The following ORC5 variants were observed in gnomAD, a reference collection of about 807,000 sequenced individuals.
ORC5 encodes origin recognition complex subunit 5, also known as protein phosphatase 1, regulatory subunit 117.
ORC5 carries 39 observed loss-of-function variants against 58.8 expected under a neutral mutation model. The ratio of observed to expected loss-of-function variants is 0.66; its 90% CI spans 0.51 to 0.87. The LOEUF (loss-of-function observed/expected upper bound fraction) is 0.87. ORC5 is among the 40% of genes least tolerant of loss of function. The pLI, the probability that ORC5 is intolerant of heterozygous loss-of-function variation, is 0.00. For synonymous variants in ORC5, 218 were observed against 177.6 expected (o/e 1.23, Z -1.81); for missense variants, 493 against 506.3 (o/e 0.97, Z 0.25).
chr7:104,180,175 C>A (rs1163924646), intron 8 of ORC5, among the ~76,000 whole-genome samples: 5 of 152,196 alleles, frequency 3.3e-5, no homozygotes, highest in Non-Finnish European at 7.3e-5. Context: ...ACCACACATT[C>A]TTCCTGTGTC....
At chr7:104,175,535 G>C (rs1278929822) in intron 8 of ORC5, among the ~76,000 whole-genome samples, 3 of 152,176 alleles carry the variant, frequency 2.0e-5, no homozygotes, top group Non-Finnish European at 4.4e-5. Context: ...ATTTAGGTTT[G>C]CCTTACTAAC....
At chr7:104,137,777 G>A (rs1013975278) in intron 12 of ORC5, among the ~76,000 whole-genome samples, 2 of 152,054 alleles carry the variant, frequency 1.3e-5, no homozygotes, top group African/African-American at 4.8e-5. Flanking sequence ...ATCCTCCTTC[G>A]GGCTCCCCAA....
rs138413601 is a variant in ORC5, at chr7:104,165,245, T to A, written c.1028A>T (p.Lys343Ile). Residue 343 changes from lysine (K) to isoleucine (I), a missense_variant, in exon 11 of 14, where the codon AAA becomes ATA. By Grantham distance (102) the Lys-to-Ile change is moderately radical. This residue lies in a region of ORC5 where 412 missense variants were observed against 403.7 expected (regional missense o/e 1.02). Transcript: ENST00000297431. ...TTAAAATGTAAATACCTTTTCGTGT[T>A]TTTTTAGAAAGTTGGTTTTCTTGAT... ...GKIKKTNFLK[K>I]HEKTSNHLLG... 2.2e-4 allele frequency: 337 copies of A among 1,511,304 alleles called. No homozygotes were observed. The highest frequency in any genetic ancestry group is 8.2e-4 in the African/African-American group (59 of 72,278). 93.6% of individuals were successfully genotyped at this position (1,511,304 alleles called of 1,614,324 possible).
intron 5 of ORC5, among the ~76,000 whole-genome samples, chr7:104,191,475 T>C (rs1799675149): frequency 6.6e-6 from 1 of 152,110 alleles, no homozygotes; most frequent in South Asian, 2.1e-4. Context: ...TGAGTACCCC[T>C]TGAACATCTC....
intron 11 of ORC5, among the ~76,000 whole-genome samples, chr7:104,164,296 T>A (rs1175819872): frequency 6.6e-6 from 1 of 152,108 alleles, no homozygotes; most frequent in African/African-American, 2.4e-5. Context: ...CAGTGGCGTG[T>A]GCCTGTAGTC....
chr7:104,145,511 C>A (rs1562806122), intron 12 of ORC5, among the ~76,000 whole-genome samples: 1 of 151,988 alleles, frequency 6.6e-6, no homozygotes, highest in Non-Finnish European at 1.5e-5. Context: ...GCTTCTCATT[C>A]AATTGAGCTT....
At chr7:104,134,468 C>G (rs1017261805) in intron 13 of ORC5, among the ~76,000 whole-genome samples, 2 of 147,106 alleles carry the variant, frequency 1.4e-5, no homozygotes, top group Admixed American at 1.4e-4. Flanking sequence ...AGTCTGGATA[C>G]CAGGTGCCCT....
chr7:104,159,518 GC>G (rs199839882), intron 12 of ORC5, among the ~76,000 whole-genome samples: 4,133 of 138,666 alleles, frequency 0.03, 169 homozygotes, highest in African/African-American at 0.1. Context: ...TGTAGAGAAA[GC>G]CAAAAAAAAA....
chr7:104,188,157 A>T, intron 6 of ORC5, 94 bp downstream of exon 6: 1 of 1,017,442 alleles, frequency 9.8e-7, no homozygotes, highest in African/African-American at 1.6e-5. Flanking sequence ...CCATTTCTAC[A>T]TGGAAAACAT....
At chr7:104,199,125 A>C (rs763187910) in intron 3 of ORC5, among the ~76,000 whole-genome samples, 1 of 152,096 alleles carries the variant, frequency 6.6e-6, no homozygotes, top group Non-Finnish European at 1.5e-5. Flanking sequence ...GAGAACCTCT[A>C]CTAGGGCAGT....
chr7:104,161,050 A>G (rs775325179), intron 12 of ORC5, 22 bp downstream of exon 12: 1 of 1,217,112 alleles, frequency 8.2e-7, no homozygotes, highest in South Asian at 1.2e-5. Context: ...GATGACAGAT[A>G]ATAATCTATG....
intron 8 of ORC5, among the ~76,000 whole-genome samples, chr7:104,175,826 C>T (rs1799311298): frequency 6.6e-6 from 1 of 152,104 alleles, no homozygotes; most frequent in African/African-American, 2.4e-5. Context: ...GCAAATCAGA[C>T]CAATAAACAA....
In ORC5 at chr7:104,207,940, G is replaced by C. The variant is rs374214311; in HGVS notation, c.-36C>G. ...ACCACCGCAGAGGCCAGTGCAGCCAGCCCACAGGACCCTTGCACAAGACGG... is the reference window on the plus strand; with the variant it reads ...ACCACCGCAGAGGCCAGTGCAGCCACCCCACAGGACCCTTGCACAAGACGG... On this transcript the variant is annotated 5_prime_UTR_variant, in exon 1 of 14. Coordinates refer to ENST00000297431, the MANE Select transcript of ORC5 (RefSeq NM_002553.4). 2.5e-6 allele frequency: 4 copies of C among 1,592,088 alleles called. No homozygotes were observed. The highest frequency in any genetic ancestry group is 3.4e-6 in the Non-Finnish European group (4 of 1,160,020).
intron 1 of ORC5, among the ~76,000 whole-genome samples, chr7:104,204,743 A>T (rs982801500): frequency 2.0e-5 from 3 of 152,214 alleles, no homozygotes; most frequent in African/African-American, 7.2e-5. Context: ...ATGCATACTC[A>T]CTGATGCTGG....
Position 104,126,740 on chromosome 7 carries a change from A to C in ORC5, c.*108T>G. The C allele has an allele frequency of 1.3e-6, 1 of 750,884 alleles. No individual in the cohort carries two copies. Among genetic ancestry groups the C allele is most frequent in the Non-Finnish European group, 2.2e-6 (1 of 451,520 alleles). 46.5% of individuals were successfully genotyped at this position (750,884 alleles called of 1,614,324 possible). A position where few individuals can be genotyped will look rare whatever the true frequency, so the allele number is the denominator to read the frequency against. Reference sequence around the variant, plus strand: ...ATGCTGGGCCAGCACCTGTTTGGACAAATCCAATAGAGCCAAAGAACTCCT... The same window carrying C: ...ATGCTGGGCCAGCACCTGTTTGGACCAATCCAATAGAGCCAAAGAACTCCT... On this transcript the variant is annotated 3_prime_UTR_variant, in exon 14 of 14. Coordinates refer to ENST00000297431, the MANE Select transcript of ORC5 (RefSeq NM_002553.4).
At chr7:104,132,366 A>G (rs1390042804) in intron 13 of ORC5, among the ~76,000 whole-genome samples, 1 of 152,196 alleles carries the variant, frequency 6.6e-6, no homozygotes, top group Non-Finnish European at 1.5e-5. Context: ...ATAAAAATAC[A>G]TGATGCTATT....
rs2116117570 is a variant in ORC5, at chr7:104,204,943, T to A, written c.73-709A>T. Among the ~76,000 whole-genome samples, 3 of 152,324 alleles carry A rather than the reference T, an allele frequency of 2.0e-5. No homozygotes were observed. The Middle Eastern group carries it at 0.01, about 518-fold the overall frequency. On this transcript the variant is annotated intron_variant, in intron 1 of 13. Transcript: ENST00000297431. Reference sequence around the variant, plus strand: ...TGTACTTCATTCCTTAAATGAACGCTTTCATTAGATACCTACTAAATGCTG... The same window carrying A: ...TGTACTTCATTCCTTAAATGAACGCATTCATTAGATACCTACTAAATGCTG...
intron 8 of ORC5, among the ~76,000 whole-genome samples, chr7:104,171,624 C>G (rs1176382048): frequency 6.6e-6 from 1 of 152,104 alleles, no homozygotes; most frequent in African/African-American, 2.4e-5. Flanking sequence ...AACTACTTGT[C>G]TCTCCTCAAA....
chr7:104,141,196 C>G (rs181427362), intron 12 of ORC5, among the ~76,000 whole-genome samples: 15 of 152,270 alleles, frequency 9.9e-5, no homozygotes, highest in African/African-American at 2.9e-4. Context: ...AGGGAGCATT[C>G]AACAGAATAA....
Sources: allele counts gnomAD v4.1 joint callset (sites outside exome capture counted in the v4.1 genomes callset), GRCh38; gene constraint gnomAD v4.1.1; regional missense constraint gnomAD v4.1.1; transcripts MANE v1.5; gene names NCBI Gene and HGNC (gene_info 2026-07-23, HGNC 2026-07-21).